The following GBF1 variants were observed in gnomAD, a reference collection of about 807,000 sequenced individuals.
GBF1 encodes the protein Golgi-specific brefeldin A-resistance guanine nucleotide exchange factor 1.
Under a neutral mutation model 210.5 loss-of-function variants are expected in GBF1, and 114 were observed. The observed-to-expected ratio is 0.54, with a 90% confidence interval of 0.47 to 0.63. The LOEUF (loss-of-function observed/expected upper bound fraction) is 0.63, where lower values mean the gene tolerates loss of function less well. Among genes scored for constraint, GBF1 ranks in the 30% least tolerant of loss-of-function variants. The probability of loss-of-function intolerance (pLI) is 0.00; values close to 1 mark genes in which losing one functional copy is unlikely to be tolerated. For missense variants in GBF1, 1,851 were observed against 2,357.7 expected (o/e 0.79, Z 4.45); for synonymous variants, 850 against 889.2 (o/e 0.96, Z 0.78).
Position 102,358,528 on chromosome 10 carries a change from G to T in GBF1, c.810G>T (p.Val270=), listed in dbSNP as rs911580775. The T allele has an allele frequency of 1.9e-6, 3 of 1,613,208 alleles. No individual in the cohort carries two copies. The African/African-American group carries it at 4.0e-5, about 22-fold the overall frequency. The change falls in exon 10 of 40, where the codon GTG becomes GTT. Residue 270 remains valine (V), a synonymous_variant. Transcript: ENST00000369983. ...CAGGTGGCATGCCCTTCATTGATGTGCCCACTCCCATCTCCTCTGCAAGTT... is the reference window on the plus strand; with the variant it reads ...CAGGTGGCATGCCCTTCATTGATGTTCCCACTCCCATCTCCTCTGCAAGTT... ...NLTGGMPFID[V]PTPISSASSE...
chr10:102,371,585 A>T (rs2060207721), intron 29 of GBF1, among the ~76,000 whole-genome samples: 1 of 152,226 alleles, frequency 6.6e-6, no homozygotes, highest in Admixed American at 6.5e-5. Context: ...TAAAATTTAG[A>T]TGGAAAGGCA....
chr10:102,375,574 A>T lies in GBF1; in HGVS notation c.3876A>T (p.Ala1292=). The T allele has an allele frequency of 6.2e-7, 1 of 1,608,064 alleles. No homozygotes were observed. Among genetic ancestry groups the T allele is most frequent in the Middle Eastern group, 1.7e-4 (1 of 6,048 alleles). ...TGCAGGCCACAGCCAGGGCAGATGC[A>T]CCTGATGCCGGTAAGCCCTTTCCCA... ...AALQATARAD[A]PDAGAQSDSE... is the part of the protein sequence containing the mutation. Residue 1292 remains alanine, a synonymous_variant, in exon 30 of 40, where the codon GCA becomes GCT. Transcript: ENST00000369983.
intron 26 of GBF1, 50 bp from the exon 27 acceptor site, chr10:102,370,124 G>A: frequency 6.6e-7 from 1 of 1,524,438 alleles, no homozygotes; most frequent in Non-Finnish European, 9.1e-7. Context: ...GGGACATTCT[G>A]TTCTCTTCAG....
chr10:102,312,498 A>G (rs1035185063), intron 3 of GBF1, among the ~76,000 whole-genome samples: 1 of 152,116 alleles, frequency 6.6e-6, no homozygotes, highest in Non-Finnish European at 1.5e-5. Context: ...TAATGCTACT[A>G]AAGTTTAGTT....
intron 3 of GBF1, among the ~76,000 whole-genome samples, chr10:102,293,764 G>GTTTCTT (rs2076643112): frequency 3.9e-5 from 2 of 50,888 alleles, no homozygotes; most frequent in African/African-American, 1.1e-4. Context: ...GCTGTAGTAT[G>GTTTCTT]TTTTGTGTTT....
intron 3 of GBF1, among the ~76,000 whole-genome samples, chr10:102,323,973 T>A (rs900440775): frequency 6.6e-6 from 1 of 152,050 alleles, no homozygotes; most frequent in Non-Finnish European, 1.5e-5. Flanking sequence ...TCCCCTCTTT[T>A]CCCCAGCATA....
chr10:102,232,049 G>A, the GBF1 span: 2 of 1,603,892 alleles, frequency 1.2e-6, no homozygotes, highest in Non-Finnish European at 1.7e-6. Flanking sequence ...AGGGCTCCGG[G>A]CCTCTGCCTC....
rs1186753011 is a variant in GBF1 at position 102,379,399 on chromosome 10, C to A, written c.4610C>A (p.Thr1537Asn). The part of the protein sequence containing the change: ...GGQKIEADSR[T>N]LWAHCWCPLL... Reference sequence around the variant, plus strand: ...CAGAAGATTGAAGCTGATTCTCGCACCCTCTGGGCCCACTGCTGGTGCCCT... The same window carrying A: ...CAGAAGATTGAAGCTGATTCTCGCAACCTCTGGGCCCACTGCTGGTGCCCT... The change falls in exon 34 of 40, where the codon ACC becomes AAC. Residue 1537 changes from threonine (T) to asparagine (N), a missense_variant. By Grantham distance (65) the Thr-to-Asn change is moderately conservative. Transcript: ENST00000369983. The A allele has an allele frequency of 1.2e-6, 2 of 1,614,112 alleles. No homozygotes were observed. The highest frequency in any genetic ancestry group is 1.7e-6 in the Non-Finnish European group (2 of 1,180,022).
chr10:102,294,660 G>A (rs918482657), intron 3 of GBF1, among the ~76,000 whole-genome samples: 51 of 152,230 alleles, frequency 3.4e-4, no homozygotes, highest in African/African-American at 1.1e-3. Flanking sequence ...ACAGGCGTGA[G>A]TCACCATGCC....
chr10:102,288,602 T>A (rs2076161797), intron 3 of GBF1, among the ~76,000 whole-genome samples: 1 of 151,442 alleles, frequency 6.6e-6, no homozygotes, highest in African/African-American at 2.4e-5. Flanking sequence ...TCCCAGCTAC[T>A]CGAGAGGCTG....
At chr10:102,259,138 G>T in intron 2 of GBF1, 104 bp downstream of exon 2, 1 of 705,958 alleles carries the variant, frequency 1.4e-6, no homozygotes, top group Non-Finnish European at 2.6e-6. Context: ...GAGAATAGTA[G>T]GAATTCAGAG....
the GBF1 span, chr10:102,230,821 G>T: frequency 6.4e-7 from 1 of 1,571,428 alleles, no homozygotes; most frequent in Non-Finnish European, 8.6e-7. Flanking sequence ...AGCCGCGGCG[G>T]AGGGCACCAT....
At chr10:102,260,304 A>G (rs2073023459) in intron 3 of GBF1, among the ~76,000 whole-genome samples, 188 bp downstream of exon 3, 1 of 152,026 alleles carries the variant, frequency 6.6e-6, no homozygotes, top group Admixed American at 6.6e-5. Context: ...TAATATATAA[A>G]TAAATGAGAA....
intron 8 of GBF1, among the ~76,000 whole-genome samples, chr10:102,354,528 A>G (rs1398142087): frequency 6.6e-6 from 1 of 152,254 alleles, no homozygotes; most frequent in Non-Finnish European, 1.5e-5. Flanking sequence ...TTTTTTATAT[A>G]TAACACCTGG....
chr10:102,366,887 G>A lies in GBF1; in HGVS notation c.2434-198G>A, dbSNP rs1315882851. On this transcript the variant is annotated intron_variant, in intron 19 of 39. Coordinates refer to ENST00000369983, the MANE Select transcript of GBF1 (RefSeq NM_001377137.1). The surrounding 1 kb of genome is among the most constrained non-coding windows in gnomAD (Gnocchi z 4.0). ...AAGCGTGAACCACCGCACCCAGCCTGCTGTCTCTTAAAAAGTCAGAGAGCA... is the reference window on the plus strand; with the variant it reads ...AAGCGTGAACCACCGCACCCAGCCTACTGTCTCTTAAAAAGTCAGAGAGCA... 1.3e-5 allele frequency among the ~76,000 whole-genome samples: 2 copies of A among 152,024 alleles called. No individual in the cohort carries two copies. Among genetic ancestry groups the A allele is most frequent in the African/African-American group, 4.8e-5 (2 of 41,396 alleles).
Position 102,341,514 on chromosome 10 carries a change from C to G in GBF1, c.164-2537C>G, listed in dbSNP as rs1473780561. ...CACAAATGTTTATAGCAGCTCCATTCATAATTGCCCCAAACTGGAGATCCC... is the reference window on the plus strand; with the variant it reads ...CACAAATGTTTATAGCAGCTCCATTGATAATTGCCCCAAACTGGAGATCCC... On this transcript the variant is annotated intron_variant, in intron 3 of 39. Coordinates refer to ENST00000369983, the MANE Select transcript of GBF1 (RefSeq NM_001377137.1). 2.0e-5 allele frequency among the ~76,000 whole-genome samples: 3 copies of G among 152,194 alleles called. No homozygotes were observed. In the East Asian group the frequency reaches 5.8e-4, roughly 29 times the overall value.
At chr10:102,230,678 C>T in the GBF1 span, 2 of 1,582,678 alleles carry the variant, frequency 1.3e-6, no homozygotes, top group Middle Eastern at 1.7e-4. Flanking sequence ...GAAGAGGCGG[C>T]AGCCGCGGCG....
intron 1 of GBF1, among the ~76,000 whole-genome samples, chr10:102,249,692 C>CTTT (rs200423046): frequency 7.0e-6 from 1 of 142,170 alleles, no homozygotes. Context: ...GTTTCTCTGG[C>CTTT]TTTTTTTTTT....
At position 102,330,419 on chromosome 10, in the gene GBF1, C is replaced by T. The variant is rs59090872; in HGVS notation, c.164-13632C>T. On this transcript the variant is annotated intron_variant, in intron 3 of 39. Coordinates refer to ENST00000369983, the MANE Select transcript of GBF1 (RefSeq NM_001377137.1). Reference sequence around the variant, plus strand: ...ATGTAGCTGGCCGGGTGCAGTGGCTCACACCTATAATCCCAGCACTTTGGG... The same window carrying T: ...ATGTAGCTGGCCGGGTGCAGTGGCTTACACCTATAATCCCAGCACTTTGGG... 2.7e-3 allele frequency among the ~76,000 whole-genome samples: 405 copies of T among 151,904 alleles called. 3 individuals carry two copies. Among genetic ancestry groups the T allele is most frequent in the African/African-American group, 9.0e-3 (373 of 41,402 alleles).
Sources: allele counts gnomAD v4.1 joint callset (sites outside exome capture counted in the v4.1 genomes callset), GRCh38; gene constraint gnomAD v4.1.1; non-coding constraint Gnocchi (gnomAD v3.1); transcripts MANE v1.5; gene names NCBI Gene and HGNC (gene_info 2026-07-23, HGNC 2026-07-21).